Variants in SRRM4 observed in about 807,000 individuals in gnomAD.
SRRM4 encodes the protein serine/arginine repetitive matrix protein 4.
Under a neutral mutation model 68.9 loss-of-function variants are expected in SRRM4, and 33 were observed. The ratio of observed to expected loss-of-function variants is 0.48; its 90% CI spans 0.36 to 0.64. The LOEUF is 0.64. Ranked by LOEUF, SRRM4 falls within the 30% of genes least tolerant of loss-of-function variation. The pLI is 0.00. For missense variants in SRRM4, 817 were observed against 827.1 expected, an observed-to-expected ratio of 0.99 and a Z score of 0.15; for synonymous variants, 318 against 318.8, an observed-to-expected ratio of 1.00 and a Z score of 0.03.
intron 1 of SRRM4, among the ~76,000 whole-genome samples, chr12:119,017,663 T>C (rs1274353168): frequency 6.6e-6 from 1 of 151,880 alleles, no homozygotes; most frequent in African/African-American, 2.4e-5. Flanking sequence ...AAAGAAAGAG[T>C]GGAGTCCATT....
intron 8 of SRRM4, among the ~76,000 whole-genome samples, chr12:119,137,515 T>C (rs1328223950): frequency 6.6e-6 from 1 of 151,486 alleles, no homozygotes. Context: ...GGGATTTAAC[T>C]ACTTATTAGA....
At chr12:119,012,352 C>G (rs1953454997) in intron 1 of SRRM4, among the ~76,000 whole-genome samples, 1 of 152,200 alleles carries the variant, frequency 6.6e-6, no homozygotes. Context: ...TCTTTTTCAT[C>G]AAGGTTGCCA....
chr12:119,079,890 G>GT (rs5801315), intron 1 of SRRM4, among the ~76,000 whole-genome samples: 49,481 of 150,714 alleles, frequency 0.33, 8,738 homozygotes, highest in African/African-American at 0.46. Flanking sequence ...ATATTCTGAA[G>GT]TTTTTTTTTT....
chr12:119,022,907 C>A (rs1203075581), intron 1 of SRRM4, among the ~76,000 whole-genome samples: 1 of 152,184 alleles, frequency 6.6e-6, no homozygotes, highest in Non-Finnish European at 1.5e-5. Flanking sequence ...TGTTTCCCCT[C>A]ACCACTGCAA....
At chr12:119,142,033 A>G (rs1489716940) in intron 8 of SRRM4, among the ~76,000 whole-genome samples, 1 of 152,126 alleles carries the variant, frequency 6.6e-6, no homozygotes, top group Admixed American at 6.5e-5. Flanking sequence ...GCATGTGCAA[A>G]TGGCCTGGGG....
intron 9 of SRRM4, among the ~76,000 whole-genome samples, chr12:119,150,772 C>G (rs1240608054): frequency 6.6e-6 from 1 of 152,092 alleles, no homozygotes; most frequent in Non-Finnish European, 1.5e-5. Flanking sequence ...CACTGTGGCC[C>G]CAGCGGTATG....
chr12:119,105,649 C>T (rs1343249087), intron 2 of SRRM4, among the ~76,000 whole-genome samples: 1 of 152,092 alleles, frequency 6.6e-6, no homozygotes, highest in African/African-American at 2.4e-5. Flanking sequence ...TATCCTTTGC[C>T]CACTTTTTGA....
intron 1 of SRRM4, among the ~76,000 whole-genome samples, chr12:119,081,278 G>A (rs1953946104): frequency 6.6e-6 from 1 of 152,174 alleles, no homozygotes; most frequent in African/African-American, 2.4e-5. Flanking sequence ...TGGGGAGGGA[G>A]TACCATTTTA....
rs76607641 is a variant in SRRM4, at chr12:119,028,763, G to A, written c.131+46750G>A. 8.8e-3 allele frequency among the ~76,000 whole-genome samples: 1,340 copies of A among 152,304 alleles called. 26 individuals are homozygous for A. Among genetic ancestry groups the A allele is most frequent in the African/African-American group, 0.031 (1,281 of 41,558 alleles). ...AGATATAAATGCACCACAAATTCGGGAGGAGAGACAACAGTGGGCTGCACA... is the reference window on the plus strand; with the variant it reads ...AGATATAAATGCACCACAAATTCGGAAGGAGAGACAACAGTGGGCTGCACA... On this transcript the variant is annotated intron_variant, in intron 1 of 12. Transcript: ENST00000267260.
At chr12:119,010,406 T>C (rs1016257470) in intron 1 of SRRM4, among the ~76,000 whole-genome samples, 2 of 152,162 alleles carry the variant, frequency 1.3e-5, no homozygotes, top group African/African-American at 4.8e-5. Context: ...TATTAAGTGG[T>C]TGAAGATGAA....
At chr12:119,136,124 A>C (rs773253721) in intron 8 of SRRM4, among the ~76,000 whole-genome samples, 2 of 152,170 alleles carry the variant, frequency 1.3e-5, no homozygotes, top group East Asian at 3.9e-4. Flanking sequence ...ACTTATCCCA[A>C]ATAAACCCAG....
chr12:119,105,278 A>G lies in SRRM4; in HGVS notation c.278+2896A>G, dbSNP rs944512480. Reference sequence around the variant, plus strand: ...TATTGTGAATAGTGCCGCAATAAACATACACGTGCATGTGTCTTTATAGCA... The same window carrying G: ...TATTGTGAATAGTGCCGCAATAAACGTACACGTGCATGTGTCTTTATAGCA... On this transcript the variant is annotated intron_variant, in intron 2 of 12. Coordinates refer to ENST00000267260, the MANE Select transcript of SRRM4 (RefSeq NM_194286.4). Among the ~76,000 whole-genome samples the G allele has an allele frequency of 5.4e-4, 82 of 152,112 alleles. 1 individual carries two copies. Among genetic ancestry groups the G allele is most frequent in the Non-Finnish European group, 6.0e-4 (41 of 68,028 alleles).
chr12:119,077,911 T>A (rs117357250), intron 1 of SRRM4, among the ~76,000 whole-genome samples: 1 of 152,312 alleles, frequency 6.6e-6, no homozygotes, highest in East Asian at 1.9e-4. Flanking sequence ...CTTTTCCAGA[T>A]GCCCCACATA....
rs547368152 is a variant in SRRM4, at chr12:119,025,271, G to A, written c.131+43258G>A. On this transcript the variant is annotated intron_variant, in intron 1 of 12. Transcript: ENST00000267260. ...GGCAGTGCAAACACCAGTATGTAAG[G>A]GGAGGCTGTCTGCATTTCAGGGGGG... Among the ~76,000 whole-genome samples the A allele has an allele frequency of 7.2e-5, 11 of 152,092 alleles. No individual in the cohort carries two copies. The East Asian group carries it at 1.9e-3, about 27-fold the overall frequency.
rs1043961064 is a variant in SRRM4 at position 119,047,559 on chromosome 12, G to A, written c.132-54677G>A. Reference sequence around the variant, plus strand: ...CCTTTGTGTCCTCATAGTTAAGCTCGCATTTGTGAGTTAAAACATTAATCA... The same window carrying A: ...CCTTTGTGTCCTCATAGTTAAGCTCACATTTGTGAGTTAAAACATTAATCA... On this transcript the variant is annotated intron_variant, in intron 1 of 12. Transcript: ENST00000267260. Among the ~76,000 whole-genome samples the A allele has an allele frequency of 2.6e-5, 4 of 152,150 alleles. No individual in the cohort carries two copies. The East Asian group carries it at 7.7e-4, about 29-fold the overall frequency.
chr12:119,046,915 C>G (rs930500926), intron 1 of SRRM4, among the ~76,000 whole-genome samples: 4 of 151,794 alleles, frequency 2.6e-5, no homozygotes, highest in Non-Finnish European at 5.9e-5. Flanking sequence ...ACCTGTAGTC[C>G]CAGCTACTCC....
chr12:119,028,084 T>A (rs1454646614), intron 1 of SRRM4, among the ~76,000 whole-genome samples: 3 of 152,246 alleles, frequency 2.0e-5, no homozygotes, highest in Non-Finnish European at 1.5e-5. Context: ...CACAGATTGC[T>A]GGGCACCACC....
intron 1 of SRRM4, among the ~76,000 whole-genome samples, chr12:119,023,386 C>A (rs945492393): frequency 2.6e-5 from 4 of 152,174 alleles, no homozygotes; most frequent in Admixed American, 2.6e-4. Flanking sequence ...TTTCTTCCTC[C>A]TCGACCTAGT....
intron 2 of SRRM4, among the ~76,000 whole-genome samples, chr12:119,107,988 G>A (rs1313558814): frequency 1.3e-5 from 2 of 152,192 alleles, no homozygotes; most frequent in Non-Finnish European, 2.9e-5. Flanking sequence ...TGCTTTAAAT[G>A]TGTCCCAGAG....
Sources: gnomAD v4.1 joint callset for allele counts (sites outside exome capture counted in the v4.1 genomes callset) on GRCh38, gnomAD v4.1.1 for gene constraint, MANE v1.5 for transcripts, NCBI Gene and HGNC (gene_info 2026-07-23, HGNC 2026-07-21) for gene names.